NBEA: variants seen among roughly 807,000 people sequenced by gnomAD.
The protein encoded by NBEA is neurobeachin, also known as lysosomal-trafficking regulator 2.
Under a neutral mutation model 343.4 loss-of-function variants are expected in NBEA, and 44 were observed. The observed-to-expected ratio is 0.13, with a 90% CI of 0.10 to 0.16. The LOEUF (loss-of-function observed/expected upper bound fraction) is 0.16. NBEA is among the 10% of genes least tolerant of loss of function. The probability of loss-of-function intolerance (pLI) is 1.00; values close to 1 mark genes in which losing one functional copy is unlikely to be tolerated. For synonymous variants in NBEA, 1,175 were observed against 1,238.7 expected, an observed-to-expected ratio of 0.95 and a Z score of 1.08; for missense variants, 2,555 against 3,631.3, an observed-to-expected ratio of 0.70 and a Z score of 7.62.
At chr13:35,392,147 A>G (rs1023556317) in intron 38 of NBEA, among the ~76,000 whole-genome samples, 8 of 152,220 alleles carry the variant, frequency 5.3e-5, no homozygotes, top group South Asian at 2.1e-4. Flanking sequence ...TGTATGCAAT[A>G]TTTTTATTAA....
At position 35,147,207 on chromosome 13, in the gene NBEA, C is replaced by G. The variant is rs181955168; in HGVS notation, c.2445+4830C>G. On this transcript the variant is annotated intron_variant, in intron 18 of 58. Coordinates refer to ENST00000379939, the MANE Select transcript of NBEA (RefSeq NM_001385012.1). ...TTAGGCACAGATGTGGCCCTCATAC[C>G]ATATTCTTCAGAGTCCCCAGATGAC... 2.5e-4 allele frequency among the ~76,000 whole-genome samples: 38 copies of G among 152,278 alleles called. No individual in the cohort carries two copies. In the East Asian group the frequency reaches 7.2e-3, roughly 29 times the overall value.
intron 17 of NBEA, among the ~76,000 whole-genome samples, chr13:35,135,922 C>CA (rs932560442): frequency 4.1e-4 from 62 of 151,174 alleles, no homozygotes; most frequent in Non-Finnish European, 1.8e-4. Flanking sequence ...CCTCCCCCCT[C>CA]AAAAAAAAGA....
chr13:35,031,410 A>C (rs1336954421), intron 1 of NBEA, among the ~76,000 whole-genome samples: 1 of 151,718 alleles, frequency 6.6e-6, no homozygotes, highest in Admixed American at 6.6e-5. Flanking sequence ...TGTATGATCC[A>C]TAATAAATTT....
intron 46 of NBEA, among the ~76,000 whole-genome samples, chr13:35,588,419 A>G (rs770170804): frequency 6.6e-6 from 1 of 150,622 alleles, no homozygotes; most frequent in Non-Finnish European, 1.5e-5. Flanking sequence ...TAAAATACAC[A>G]TTAAAATAAG....
At chr13:35,577,472 A>G (rs1237097877) in intron 45 of NBEA, among the ~76,000 whole-genome samples, 4 of 152,208 alleles carry the variant, frequency 2.6e-5, no homozygotes, top group South Asian at 4.1e-4. Flanking sequence ...TGAATTGCCT[A>G]TTCATCATAT....
At chr13:35,384,099 A>C (rs1250851007) in intron 38 of NBEA, among the ~76,000 whole-genome samples, 1 of 152,168 alleles carries the variant, frequency 6.6e-6, no homozygotes. Flanking sequence ...AGTCACACCC[A>C]TACTGAGTGA....
chr13:35,459,013 C>A lies in NBEA; in HGVS notation c.6448+6778C>A, dbSNP rs553261847. Reference sequence around the variant, plus strand: ...TATATTTCTTTACCACCGCCCCCCCCCCCCCACACACACACACACACACAC... The same window carrying A: ...TATATTTCTTTACCACCGCCCCCCCACCCCCACACACACACACACACACAC... On this transcript the variant is annotated intron_variant, in intron 40 of 58. Coordinates refer to ENST00000379939, the MANE Select transcript of NBEA (RefSeq NM_001385012.1). Among the ~76,000 whole-genome samples the A allele has an allele frequency of 1.3e-3, 157 of 117,872 alleles. 3 individuals are homozygous for A. Among genetic ancestry groups the A allele is most frequent in the South Asian group, 4.5e-3 (14 of 3,132 alleles). 77.3% of individuals were successfully genotyped at this position (117,872 alleles called of 152,430 possible).
chr13:34,957,963 G>A (rs938351406), intron 1 of NBEA, among the ~76,000 whole-genome samples: 46 of 151,914 alleles, frequency 3.0e-4, no homozygotes, highest in African/African-American at 1.0e-3. Flanking sequence ...GGCGGTGAGC[G>A]CTTATAATGT....
In NBEA at chr13:35,020,874, A is replaced by C. The variant is rs73487668; in HGVS notation, c.295-20059A>C. 6.5e-3 allele frequency among the ~76,000 whole-genome samples: 985 copies of C among 152,154 alleles called. 11 individuals carry two copies. Among genetic ancestry groups the C allele is most frequent in the African/African-American group, 0.023 (943 of 41,476 alleles). ...TTTATATGGGGGGAGGTGTCTTTTTAATCTACTGAGACAGGTGTGTTGAAA... is the reference window on the plus strand; with the variant it reads ...TTTATATGGGGGGAGGTGTCTTTTTCATCTACTGAGACAGGTGTGTTGAAA... On this transcript the variant is annotated intron_variant, in intron 1 of 58. Transcript: ENST00000379939.
chr13:35,646,437 T>C (rs2084237963), intron 51 of NBEA, 89 bp downstream of exon 51: 7 of 924,402 alleles, frequency 7.6e-6, no homozygotes, highest in South Asian at 7.3e-5. Flanking sequence ...ACAGCATATT[T>C]TAAAAGGCTT....
At chr13:35,414,308 G>A (rs1389001172) in intron 38 of NBEA, among the ~76,000 whole-genome samples, 15 of 152,106 alleles carry the variant, frequency 9.9e-5, no homozygotes, top group East Asian at 5.8e-4. Flanking sequence ...GTATACATGC[G>A]CCATGTTGGT....
chr13:35,575,885 C>G (rs928181081), intron 45 of NBEA, among the ~76,000 whole-genome samples: 1 of 152,106 alleles, frequency 6.6e-6, no homozygotes, highest in Non-Finnish European at 1.5e-5. Context: ...AACACCCCCA[C>G]CTTTTTTTTC....
chr13:35,170,082 T>C (rs2070345080), intron 25 of NBEA, among the ~76,000 whole-genome samples: 1 of 151,782 alleles, frequency 6.6e-6, no homozygotes, highest in Non-Finnish European at 1.5e-5. Flanking sequence ...TATATAATGC[T>C]TGTAGTAGCC....
At chr13:35,062,900 C>T (rs998100132) in intron 8 of NBEA, among the ~76,000 whole-genome samples, 1 of 151,866 alleles carries the variant, frequency 6.6e-6, no homozygotes, top group Non-Finnish European at 1.5e-5. Context: ...GCTATAAATG[C>T]ACCTACGTAG....
At chr13:35,215,475 A>G (rs1379858398) in intron 33 of NBEA, among the ~76,000 whole-genome samples, 1 of 151,730 alleles carries the variant, frequency 6.6e-6, no homozygotes, top group Non-Finnish European at 1.5e-5. Flanking sequence ...ATAGTGTATG[A>G]TTCCATTTTT....
At chr13:35,331,925 A>G (rs1055819629) in intron 36 of NBEA, among the ~76,000 whole-genome samples, 1 of 152,044 alleles carries the variant, frequency 6.6e-6, no homozygotes, top group African/African-American at 2.4e-5. Context: ...TTCTTAAATT[A>G]TCTGATGTTT....
At chr13:34,982,224 C>T (rs960549515) in intron 1 of NBEA, among the ~76,000 whole-genome samples, 1 of 151,930 alleles carries the variant, frequency 6.6e-6, no homozygotes, top group African/African-American at 2.4e-5. Context: ...GCTCATTTTA[C>T]AGAATTTAAT....
intron 36 of NBEA, among the ~76,000 whole-genome samples, chr13:35,326,204 G>A (rs1459202802): frequency 6.6e-6 from 1 of 152,052 alleles, no homozygotes; most frequent in African/African-American, 2.4e-5. Context: ...TTGGTAGTTT[G>A]ATAGGAATAG....
Position 35,110,169 on chromosome 13 carries a change from T to C in NBEA, c.1834-641T>C, listed in dbSNP as rs534933321. On this transcript the variant is annotated intron_variant, in intron 12 of 58. Transcript: ENST00000379939. ...GCGCTGCACCCACTAACGTGTCATC[T>C]AGCATTAGGTATATCTCCCAATGCT... Among the ~76,000 whole-genome samples, 13 of 151,076 alleles carry C rather than the reference T, an allele frequency of 8.6e-5. No individual in the cohort carries two copies. In the South Asian group the frequency reaches 2.7e-3, roughly 32 times the overall value.
Sources: allele counts gnomAD v4.1 joint callset (sites outside exome capture counted in the v4.1 genomes callset), GRCh38; gene constraint gnomAD v4.1.1; transcripts MANE v1.5; gene names NCBI Gene and HGNC (gene_info 2026-07-23, HGNC 2026-07-21).